The following USH2A variants were observed in gnomAD, a reference collection of about 807,000 sequenced individuals.
USH2A encodes the protein usherin.
In USH2A, 443 loss-of-function variants were observed where a neutral mutation model predicts 538.9. The ratio of observed to expected loss-of-function variants is 0.82; its 90% CI spans 0.76 to 0.89. USH2A has a LOEUF of 0.89. Ranked by LOEUF, USH2A falls within the 40% of genes least tolerant of loss-of-function variation. The pLI, the probability that USH2A is intolerant of heterozygous loss-of-function variation, is 0.00. For missense variants in USH2A, 6,633 were observed against 6,324.8 expected, an observed-to-expected ratio of 1.05 and a Z score of -1.65; for synonymous variants, 2,413 against 2,273.5, an observed-to-expected ratio of 1.06 and a Z score of -1.75.
intron 32 of USH2A, among the ~76,000 whole-genome samples, chr1:216,021,567 T>C (rs924952395): frequency 6.6e-6 from 1 of 152,046 alleles, no homozygotes; most frequent in Admixed American, 6.6e-5. Context: ...GCCCTGAAGA[T>C]TTTGGTCCCA....
At chr1:215,692,833 T>C (rs1478386036) in intron 61 of USH2A, among the ~76,000 whole-genome samples, 3 of 152,000 alleles carry the variant, frequency 2.0e-5, no homozygotes, top group African/African-American at 7.2e-5. Flanking sequence ...CCCCATCTCC[T>C]CCCCCATGCC....
At chr1:215,768,200 G>C (rs1661185684) in intron 55 of USH2A, among the ~76,000 whole-genome samples, 1 of 152,068 alleles carries the variant, frequency 6.6e-6, no homozygotes, top group Non-Finnish European at 1.5e-5. Flanking sequence ...TCTTATTTCA[G>C]AGCCTTCAAC....
chr1:215,903,797 G>A (rs1315662976), intron 38 of USH2A, among the ~76,000 whole-genome samples: 1 of 152,056 alleles, frequency 6.6e-6, no homozygotes, highest in African/African-American at 2.4e-5. Context: ...TGAAGAAAGA[G>A]GAAATGATAT....
chr1:215,897,715 AAGAAAG>A (rs1277107133), intron 40 of USH2A, among the ~76,000 whole-genome samples: 1 of 113,808 alleles, frequency 8.8e-6, no homozygotes, highest in African/African-American at 5.0e-5. Context: ...GAAGAAAAGA[AAGAAAG>A]AGAAAGAAAG....
intron 4 of USH2A, among the ~76,000 whole-genome samples, chr1:216,354,266 C>T (rs908595947): frequency 2.7e-4 from 41 of 152,020 alleles, no homozygotes; most frequent in South Asian, 4.1e-4. Flanking sequence ...AAGGGAAAAA[C>T]GCCAAAAAAT....
Position 215,814,259 on chromosome 1 carries a change from C to T in USH2A, c.9571-355G>A, listed in dbSNP as rs183645188. On this transcript the variant is annotated intron_variant, in intron 48 of 71. Coordinates refer to ENST00000307340, the MANE Select transcript of USH2A (RefSeq NM_206933.4). ...TAAGATGTATATCTTATATCTTACACATACACATATGTATATATACATAAG... is the reference window on the plus strand; with the variant it reads ...TAAGATGTATATCTTATATCTTACATATACACATATGTATATATACATAAG... 5.5e-3 allele frequency among the ~76,000 whole-genome samples: 795 copies of T among 145,634 alleles called. 6 individuals are homozygous for T. Among genetic ancestry groups the T allele is most frequent in the African/African-American group, 0.018 (734 of 40,240 alleles).
At chr1:216,160,996 T>G (rs2034047569) in intron 21 of USH2A, among the ~76,000 whole-genome samples, 1 of 152,176 alleles carries the variant, frequency 6.6e-6, no homozygotes, top group African/African-American at 2.4e-5. Flanking sequence ...ATGTCCTCCA[T>G]TTTGTCTACT....
intron 63 of USH2A, among the ~76,000 whole-genome samples, chr1:215,673,604 C>A (rs1016913610): frequency 6.6e-6 from 1 of 152,144 alleles, no homozygotes; most frequent in Non-Finnish European, 1.5e-5. Context: ...GTCAGAGAAG[C>A]CTTATTATTC....
At chr1:216,220,930 G>A (rs934449945) in intron 14 of USH2A, among the ~76,000 whole-genome samples, 5 of 152,166 alleles carry the variant, frequency 3.3e-5, no homozygotes, top group African/African-American at 4.8e-5. Context: ...AATTGCTAAG[G>A]GATTTTAGAT....
intron 20 of USH2A, among the ~76,000 whole-genome samples, chr1:216,185,952 G>A (rs1249524985): frequency 3.3e-5 from 5 of 151,796 alleles, no homozygotes; most frequent in African/African-American, 1.2e-4. Flanking sequence ...CCCTAAAAAT[G>A]ATGTATTTTA....
chr1:216,355,375 G>GAAAGAAAGAAAGAAAGA (rs748251919), intron 4 of USH2A, among the ~76,000 whole-genome samples: 6 of 133,942 alleles, frequency 4.5e-5, no homozygotes, highest in African/African-American at 1.3e-4. Context: ...AAGAAAGAAA[G>GAAAGAAAGAAAGAAAGA]AAGGAAAGAA....
chr1:216,148,546 A>G (rs1292867929), intron 21 of USH2A, among the ~76,000 whole-genome samples: 1 of 152,036 alleles, frequency 6.6e-6, no homozygotes, highest in Admixed American at 6.6e-5. Flanking sequence ...ATCCCACCTC[A>G]CAGCATGCTT....
intron 14 of USH2A, among the ~76,000 whole-genome samples, chr1:216,230,889 C>T (rs2035663588): frequency 6.7e-6 from 1 of 150,156 alleles, no homozygotes; most frequent in Non-Finnish European, 1.5e-5. Context: ...CTCTCTCTCT[C>T]TCTCTCTCTC....
At chr1:216,196,458 G>A in intron 19 of USH2A, 95 bp downstream of exon 19, 1 of 1,398,544 alleles carries the variant, frequency 7.2e-7, no homozygotes, top group Non-Finnish European at 1.0e-6. Context: ...TCAATATAGA[G>A]GGAGAATTCT....
In USH2A at chr1:215,900,923, T is replaced by G. The variant is rs767734345; in HGVS notation, c.7301-18A>C. ...ATCTGGAGCTGTCGAAAAACACAGA[T>G]GAATTAGAGCAGAGAAAACTGTGGA... On this transcript the variant is annotated intron_variant, in intron 38 of 71. Transcript: ENST00000307340. 2 of 1,612,902 alleles carry G rather than the reference T, an allele frequency of 1.2e-6. No individual in the cohort carries two copies. Among genetic ancestry groups the G allele is most frequent in the Non-Finnish European group, 1.7e-6 (2 of 1,179,442 alleles).
intron 34 of USH2A, among the ~76,000 whole-genome samples, chr1:215,997,405 A>T (rs938207151): frequency 2.6e-5 from 4 of 152,092 alleles, no homozygotes; most frequent in African/African-American, 9.7e-5. Context: ...TGGCTCAGAG[A>T]CATTAAACAT....
intron 44 of USH2A, among the ~76,000 whole-genome samples, chr1:215,846,298 G>C (rs1330672035): frequency 6.6e-6 from 1 of 152,100 alleles, no homozygotes; most frequent in Non-Finnish European, 1.5e-5. Context: ...CTGCAGCCTT[G>C]ATGTCTTGGG....
rs990193661 is a variant in USH2A at position 215,844,726 on chromosome 1, C to T, written c.9056-230G>A. 6.6e-5 allele frequency among the ~76,000 whole-genome samples: 10 copies of T among 152,172 alleles called. No individual in the cohort carries two copies. In the South Asian group the frequency reaches 2.1e-3, roughly 31 times the overall value. On this transcript the variant is annotated intron_variant, in intron 45 of 71. Transcript: ENST00000307340. ...TTTATACCACCAGCATAGTGCTAAT[C>T]TTCAATACTATGTGACCAGTGGGAT... is the stretch of plus-strand genomic sequence containing the variant.
intron 41 of USH2A, among the ~76,000 whole-genome samples, chr1:215,881,660 G>C (rs148936400): frequency 6.6e-6 from 1 of 152,184 alleles, no homozygotes; most frequent in African/African-American, 2.4e-5. Flanking sequence ...CATGTTATTG[G>C]CCTGAATAAG....
Sources: allele counts gnomAD v4.1 joint callset (sites outside exome capture counted in the v4.1 genomes callset), GRCh38; gene constraint gnomAD v4.1.1; transcripts MANE v1.5; gene names NCBI Gene and HGNC (gene_info 2026-07-23, HGNC 2026-07-21).